The following HS6ST2 variants were observed in gnomAD, a reference collection of about 807,000 sequenced individuals.
HS6ST2 encodes heparan sulfate 6-O-sulfotransferase 2, also known as heparan-sulfate 6-O-sulfotransferase 2.
Under a neutral mutation model 33.0 loss-of-function variants are expected in HS6ST2, and 17 were observed. That is an observed-to-expected ratio of 0.52 (90% CI 0.35 to 0.77). The LOEUF is 0.77. Ranked by LOEUF, HS6ST2 falls within the 30% of genes least tolerant of loss-of-function variation. The probability of loss-of-function intolerance (pLI) is 0.01; values close to 1 mark genes in which losing one functional copy is unlikely to be tolerated. For missense variants in HS6ST2, 519 were observed against 551.7 expected (o/e 0.94, Z 0.59); for synonymous variants, 248 against 237.1 (o/e 1.05, Z -0.42).
chrX:132,874,911 G>A (rs868787796), intron 2 of HS6ST2, among the ~76,000 whole-genome samples: 2 of 111,616 alleles, frequency 1.8e-5, no homozygotes, highest in South Asian at 3.8e-4. Flanking sequence ...CCTCTGGAAG[G>A]GGGGGGCGGC....
At chrX:132,652,297 T>C (rs2063699243) in intron 4 of HS6ST2, among the ~76,000 whole-genome samples, 1 of 112,219 alleles carries the variant, frequency 8.9e-6, no homozygotes, top group African/African-American at 3.2e-5. Flanking sequence ...TTGTTCTGTT[T>C]CTTCTATCTC....
At chrX:132,825,916 C>A (rs898651247) in intron 2 of HS6ST2, among the ~76,000 whole-genome samples, 3 of 112,105 alleles carry the variant, frequency 2.7e-5, no homozygotes, top group South Asian at 3.8e-4. Context: ...CTGTCTCCCC[C>A]ACATGAACTG....
At chrX:132,745,274 C>T (rs2064626602) in intron 2 of HS6ST2, among the ~76,000 whole-genome samples, 1 of 111,748 alleles carries the variant, frequency 8.9e-6, no homozygotes, top group South Asian at 3.8e-4. Context: ...TTGGTGGAAA[C>T]AGGGTTTCAC....
At chrX:132,874,447 A>G (rs2066091305) in intron 2 of HS6ST2, among the ~76,000 whole-genome samples, 1 of 111,135 alleles carries the variant, frequency 9.0e-6, no homozygotes, top group Admixed American at 9.5e-5. Context: ...GTGGTGGCAC[A>G]CACCTGTAGT....
chrX:132,742,939 T>C (rs2064595435), intron 2 of HS6ST2, among the ~76,000 whole-genome samples: 1 of 111,578 alleles, frequency 9.0e-6, no homozygotes, highest in African/African-American at 3.3e-5. Flanking sequence ...TGTTTGAAAG[T>C]ATAGGTGCAG....
At position 132,671,391 on chromosome X, in the gene HS6ST2, T is replaced by C. The variant is rs1016398585; in HGVS notation, c.981-2192A>G. The stretch of plus-strand genomic sequence containing the variant: ...ACACTACTGGGCTCAGAGTAGGTGG[T>C]CATTTAAGTCATCACTAAATCACTA... On this transcript the variant is annotated intron_variant, in intron 3 of 4. Coordinates refer to ENST00000370833, the MANE Select transcript of HS6ST2 (RefSeq NM_001394073.1). 2.7e-5 allele frequency among the ~76,000 whole-genome samples: 3 copies of C among 109,843 alleles called. No homozygotes were observed. In the Admixed American group the frequency reaches 2.9e-4, roughly 11 times the overall value.
chrX:132,738,656 C>T (rs989686249), intron 2 of HS6ST2, among the ~76,000 whole-genome samples: 4 of 111,716 alleles, frequency 3.6e-5, no homozygotes, highest in African/African-American at 6.6e-5. Context: ...ATGAAAACAA[C>T]GTTTCATAAA....
intron 3 of HS6ST2, among the ~76,000 whole-genome samples, chrX:132,691,096 A>G (rs2064060114): frequency 8.9e-6 from 1 of 112,352 alleles, no homozygotes; most frequent in South Asian, 3.8e-4. Context: ...CAAGAGACAG[A>G]TGAAGTACTG....
intron 2 of HS6ST2, among the ~76,000 whole-genome samples, chrX:132,883,897 A>AT (rs1233824507): frequency 1.8e-5 from 2 of 112,171 alleles, no homozygotes; most frequent in African/African-American, 3.2e-5. Context: ...CTTTTTGTCT[A>AT]TATCTGTCTT....
chrX:132,760,517 CTG>C (rs1214912360), intron 2 of HS6ST2, among the ~76,000 whole-genome samples: 1 of 112,077 alleles, frequency 8.9e-6, no homozygotes, highest in Non-Finnish European at 1.9e-5. Context: ...CCCTGCGAAA[CTG>C]TGAGTCAATT....
At chrX:132,650,595 T>C (rs1226299534) in intron 4 of HS6ST2, among the ~76,000 whole-genome samples, 2 of 110,518 alleles carry the variant, frequency 1.8e-5, no homozygotes, top group African/African-American at 3.3e-5. Flanking sequence ...GCCTTTGGGG[T>C]CCTCAGTGAT....
chrX:132,701,321 G>A (rs1395056760), intron 3 of HS6ST2, among the ~76,000 whole-genome samples: 3 of 112,145 alleles, frequency 2.7e-5, no homozygotes, highest in Non-Finnish European at 3.8e-5. Flanking sequence ...CTCTGTGACT[G>A]TAAATCAGAG....
At chrX:132,773,587 A>G (rs1433079936) in intron 2 of HS6ST2, among the ~76,000 whole-genome samples, 1 of 111,743 alleles carries the variant, frequency 8.9e-6, no homozygotes, top group Non-Finnish European at 1.9e-5. Context: ...ATGTCCATCA[A>G]TGGATAAATA....
intron 4 of HS6ST2, among the ~76,000 whole-genome samples, chrX:132,652,171 T>C (rs2063698211): frequency 9.0e-6 from 1 of 111,565 alleles, no homozygotes; most frequent in Admixed American, 9.5e-5. Flanking sequence ...TCGCGGCTGC[T>C]GTTTCCATCC....
chrX:132,712,828 C>G (rs917021699), intron 2 of HS6ST2, among the ~76,000 whole-genome samples: 1 of 111,249 alleles, frequency 9.0e-6, no homozygotes, highest in Admixed American at 9.6e-5. Context: ...AGTTCGAGAT[C>G]AGCCTGGCCA....
intron 2 of HS6ST2, among the ~76,000 whole-genome samples, chrX:132,819,305 G>A (rs1224327555): frequency 1.8e-5 from 2 of 111,536 alleles, no homozygotes; most frequent in African/African-American, 3.3e-5. Flanking sequence ...TATAGCAAAC[G>A]GACCTAACAA....
intron 2 of HS6ST2, among the ~76,000 whole-genome samples, chrX:132,766,646 C>A (rs947308235): frequency 3.6e-5 from 4 of 111,997 alleles, no homozygotes; most frequent in African/African-American, 1.3e-4. Flanking sequence ...CACAGTTCCA[C>A]AGACTGCACA....
chrX:132,732,756 T>C (rs948315077), intron 2 of HS6ST2, among the ~76,000 whole-genome samples: 1 of 111,859 alleles, frequency 8.9e-6, no homozygotes, highest in Admixed American at 9.5e-5. Context: ...TGTCTTTCCT[T>C]TATAAATTAC....
At chrX:132,869,330 CAG>C (rs2066031151) in intron 2 of HS6ST2, among the ~76,000 whole-genome samples, 1 of 111,816 alleles carries the variant, frequency 8.9e-6, no homozygotes. Context: ...TGAATTCTAC[CAG>C]AGGTACAAAG....
Sources: allele counts gnomAD v4.1 joint callset (sites outside exome capture counted in the v4.1 genomes callset), GRCh38; gene constraint gnomAD v4.1.1; transcripts MANE v1.5; gene names NCBI Gene and HGNC (gene_info 2026-07-23, HGNC 2026-07-21).